The following CSF2RA variants were observed in gnomAD, a reference collection of about 807,000 sequenced individuals.
CSF2RA encodes granulocyte-macrophage colony-stimulating factor receptor subunit alpha.
CSF2RA carries 42 observed loss-of-function variants against 51.6 expected under a neutral mutation model. That is an observed-to-expected ratio of 0.81 (90% CI 0.64 to 1.05). The LOEUF (loss-of-function observed/expected upper bound fraction) is 1.05, where lower values mean the gene tolerates loss of function less well. CSF2RA is among the 50% of genes least tolerant of loss of function. The pLI, the probability that CSF2RA is intolerant of heterozygous loss-of-function variation, is 0.00. For synonymous variants in CSF2RA, 222 were observed against 193.0 expected, an observed-to-expected ratio of 1.15 and a Z score of -1.24; for missense variants, 530 against 501.1, an observed-to-expected ratio of 1.06 and a Z score of -0.55.
At chrX:1,318,137 C>A in the CSF2RA span, among the ~76,000 whole-genome samples, 1 of 150,146 alleles carries the variant, frequency 6.7e-6, no homozygotes, top group East Asian at 2.0e-4. Context: ...TACAGGCACC[C>A]GCCACCACGC....
chrX:1,272,280 T>C (rs2088534232), intron 1 of CSF2RA, among the ~76,000 whole-genome samples: 1 of 151,186 alleles, frequency 6.6e-6, no homozygotes, highest in Non-Finnish European at 1.5e-5. Context: ...AGAATGTGTA[T>C]ACACAAGATT....
At chrX:1,324,013 CAAAA>C in the CSF2RA span, among the ~76,000 whole-genome samples, 1 of 141,930 alleles carries the variant, frequency 7.0e-6, no homozygotes, top group Non-Finnish European at 1.5e-5. Flanking sequence ...GACTCCGTCT[CAAAA>C]AAAAAAAAAT....
At position 1,291,756 on chromosome X, in the gene CSF2RA, CACCT is replaced by C. The variant is rs2091422366; in HGVS notation, c.646+1248_646+1251del. 3.3e-5 allele frequency among the ~76,000 whole-genome samples: 5 copies of C among 151,986 alleles called. 2 individuals carry two copies. The highest frequency in any genetic ancestry group is 4.8e-5 in the African/African-American group (2 of 41,398). On this transcript the variant is annotated intron_variant, in intron 7 of 12. Coordinates refer to ENST00000381529, the MANE Select transcript of CSF2RA (RefSeq NM_172245.4). ...GTGTAGACAGGAGGAGACCCTGTAC[CACCT>C]CCACCTGGACCCAGTGTAGACAAAG...
chrX:1,279,927 T>G (rs1244106856), intron 2 of CSF2RA, among the ~76,000 whole-genome samples: 1 of 151,776 alleles, frequency 6.6e-6, no homozygotes, highest in Non-Finnish European at 1.5e-5. Flanking sequence ...GTAGCTGGGA[T>G]TACAGGCACC....
rs1435574154 is a variant in CSF2RA at position 1,307,750 on chromosome X, C to T, written c.1126-1652C>T. On this transcript the variant is annotated intron_variant, in intron 12 of 12. Coordinates refer to ENST00000381529, the MANE Select transcript of CSF2RA (RefSeq NM_172245.4). ...TGATTAGATGAGGCCCGTCCTTCCC[C>T]CATTTAGATCTTCAACTGATTAGAT... Among the ~76,000 whole-genome samples the T allele has an allele frequency of 1.9e-5, 2 of 107,320 alleles. 1 individual carries two copies. The highest frequency in any genetic ancestry group is 4.4e-5 in the Non-Finnish European group (2 of 45,216). The allele number at this position is 107,320 out of a possible 152,430, so 70.4% of individuals were successfully genotyped here.
chrX:1,294,979 C>T (rs2091791640), intron 8 of CSF2RA, among the ~76,000 whole-genome samples: 1 of 147,334 alleles, frequency 6.8e-6, no homozygotes, highest in African/African-American at 2.5e-5. Flanking sequence ...TGCCTCACGT[C>T]CACCTCGATC....
At chrX:1,311,923 CTG>C (rs2084209624), downstream of CSF2RA, among the ~76,000 whole-genome samples, 1 of 152,068 alleles carries the variant, frequency 6.6e-6, no homozygotes, top group Admixed American at 6.6e-5. Context: ...TCTCACTGGA[CTG>C]TGACTCTCCT....
intron 9 of CSF2RA, among the ~76,000 whole-genome samples, chrX:1,295,781 C>A (rs1291949767): frequency 6.6e-6 from 1 of 151,486 alleles, no homozygotes; most frequent in Non-Finnish European, 1.5e-5. Flanking sequence ...TGTCCCACAA[C>A]CACCTGGACC....
rs1408175939 is a variant in CSF2RA, at chrX:1,297,767, T to C, written c.810+2311T>C. Reference sequence around the variant, plus strand: ...GCCGTAGTGTGACCCTACAATCCCCTACTCACAACCCCCGGTGGAACCCTA... The same window carrying C: ...GCCGTAGTGTGACCCTACAATCCCCCACTCACAACCCCCGGTGGAACCCTA... On this transcript the variant is annotated intron_variant, in intron 9 of 12. Coordinates refer to ENST00000381529, the MANE Select transcript of CSF2RA (RefSeq NM_172245.4). Among the ~76,000 whole-genome samples the C allele has an allele frequency of 5.2e-5, 5 of 95,646 alleles. No individual in the cohort carries two copies. In the South Asian group the frequency reaches 1.8e-3, roughly 34 times the overall value. 62.7% of individuals were successfully genotyped at this position (95,646 alleles called of 152,430 possible).
At chrX:1,306,414 A>G (rs1471178078) in intron 12 of CSF2RA, among the ~76,000 whole-genome samples, 1 of 152,048 alleles carries the variant, frequency 6.6e-6, no homozygotes, top group Non-Finnish European at 1.5e-5. Context: ...TGGGAGGCCG[A>G]GGCGGGTGGA....
chrX:1,321,990 C>A, the CSF2RA span, among the ~76,000 whole-genome samples: 132 of 152,120 alleles, frequency 8.7e-4, no homozygotes, highest in African/African-American at 3.0e-3. Flanking sequence ...ACAAAATTAC[C>A]CCGGCATGGT....
At chrX:1,319,058 T>C in the CSF2RA span, among the ~76,000 whole-genome samples, 2 of 149,708 alleles carry the variant, frequency 1.3e-5, no homozygotes, top group South Asian at 2.2e-4. Flanking sequence ...TACAGTGGCA[T>C]GATCTCGGCT....
At position 1,309,546 on chromosome X, in the gene CSF2RA, A is replaced by G. The variant is rs775182655; in HGVS notation, c.*67A>G. The G allele has an allele frequency of 3.7e-6, 6 of 1,613,994 alleles. No individual in the cohort carries two copies. The African/African-American group carries it at 6.7e-5, about 18-fold the overall frequency. On this transcript the variant is annotated 3_prime_UTR_variant, in exon 13 of 13. Coordinates refer to ENST00000381529, the MANE Select transcript of CSF2RA (RefSeq NM_172245.4). ...GCGACACGGGGGAACTGTTTTCTTG[A>G]TGATGCTGTGAACCTTTATATCATT...
chrX:1,299,595 C>G (rs1163223188), intron 9 of CSF2RA, among the ~76,000 whole-genome samples: 37 of 151,594 alleles, frequency 2.4e-4, no homozygotes, highest in Non-Finnish European at 4.0e-4. Context: ...CACCCACCCC[C>G]ACACCTGGCC....
intron 11 of CSF2RA, 64 bp from the exon 12 acceptor site, chrX:1,305,382 G>A (rs1240002715): frequency 1.6e-5 from 25 of 1,573,494 alleles, no homozygotes; most frequent in East Asian, 6.7e-5. Flanking sequence ...GGCACAGGGC[G>A]TTGATGGAAG....
chrX:1,312,966 T>C (rs28498070), downstream of CSF2RA, among the ~76,000 whole-genome samples: 60,437 of 151,784 alleles, frequency 0.4, 12,607 homozygotes, highest in Middle Eastern at 0.52. Flanking sequence ...AGAAAAAGCG[T>C]GGAATCCTCT....
chrX:1,309,888 AAAAC>A lies in CSF2RA; in HGVS notation c.*416_*419del, dbSNP rs1364853691. On this transcript the variant is annotated 3_prime_UTR_variant, in exon 13 of 13. Transcript: ENST00000381529. Reference sequence around the variant, plus strand: ...GCGTGACAGAGCAAGATTGCATCTCAAAACAAACAATAATAATAAATAATAAAAA... The same window carrying A: ...GCGTGACAGAGCAAGATTGCATCTCAAAACAATAATAATAAATAATAAAAA... 6 of 582,208 alleles carry A rather than the reference AAAAC, an allele frequency of 1.0e-5. No homozygotes were observed. Among genetic ancestry groups the A allele is most frequent in the Non-Finnish European group, 1.8e-5 (6 of 329,074 alleles). 36.1% of individuals were successfully genotyped at this position (582,208 alleles called of 1,614,324 possible). A position where few individuals can be genotyped will look rare whatever the true frequency, so the allele number is the denominator to read the frequency against.
At chrX:1,319,746 A>C in the CSF2RA span, among the ~76,000 whole-genome samples, 4 of 119,072 alleles carry the variant, frequency 3.4e-5, no homozygotes, top group Admixed American at 9.0e-5. Flanking sequence ...ACAGAGTCTC[A>C]CTCTGTCGCC....
chrX:1,317,268 TGAGACAGAGTCTTG>T, the CSF2RA span, among the ~76,000 whole-genome samples: 1 of 134,442 alleles, frequency 7.4e-6, no homozygotes, highest in Non-Finnish European at 1.6e-5. Flanking sequence ...TTTTTTTTTT[TGAGACAGAGTCTTG>T]TTCTTGTCGC....
Sources: allele counts gnomAD v4.1 joint callset (sites outside exome capture counted in the v4.1 genomes callset), GRCh38; gene constraint gnomAD v4.1.1; transcripts MANE v1.5; gene names NCBI Gene and HGNC (gene_info 2026-07-23, HGNC 2026-07-21).